CADPS: variants seen among roughly 807,000 people sequenced by gnomAD.
CADPS encodes calcium-dependent secretion activator 1.
A neutral mutation model predicts 167.3 loss-of-function variants in CADPS; 57 were observed. The ratio of observed to expected loss-of-function variants is 0.34; its 90% CI spans 0.28 to 0.42. The LOEUF is 0.42. Ranked by LOEUF, CADPS falls within the 20% of genes least tolerant of loss-of-function variation. The pLI is 1.00. For missense variants in CADPS, 1,414 were observed against 1,738.1 expected, an observed-to-expected ratio of 0.81 and a Z score of 3.32; for synonymous variants, 676 against 635.3, an observed-to-expected ratio of 1.06 and a Z score of -0.96.
At chr3:62,586,618 T>C (rs538137708) in intron 7 of CADPS, among the ~76,000 whole-genome samples, 3 of 152,316 alleles carry the variant, frequency 2.0e-5, no homozygotes, top group Admixed American at 6.5e-5. Context: ...TCTGATGAAA[T>C]ATACATTCTT....
chr3:62,763,564 G>A (rs537938249), intron 2 of CADPS, among the ~76,000 whole-genome samples: 1 of 152,222 alleles, frequency 6.6e-6, no homozygotes, highest in African/African-American at 2.4e-5. Flanking sequence ...ACTAAGACAG[G>A]GGCCAACAGA....
At chr3:62,856,876 AC>A (rs1294864569) in intron 1 of CADPS, among the ~76,000 whole-genome samples, 2 of 151,214 alleles carry the variant, frequency 1.3e-5, no homozygotes, top group Non-Finnish European at 3.0e-5. Flanking sequence ...AAAAAAAAAA[AC>A]ACTATAAGTA....
At chr3:62,711,801 T>A (rs1416582386) in intron 3 of CADPS, among the ~76,000 whole-genome samples, 1 of 152,218 alleles carries the variant, frequency 6.6e-6, no homozygotes, top group Non-Finnish European at 1.5e-5. Flanking sequence ...TGGTATTGCT[T>A]TATATTCTAA....
intron 13 of CADPS, among the ~76,000 whole-genome samples, chr3:62,528,230 G>A (rs1015014475): frequency 6.6e-6 from 1 of 152,150 alleles, no homozygotes; most frequent in African/African-American, 2.4e-5. Flanking sequence ...ACAAATGCAA[G>A]CACCAAAGTC....
chr3:62,720,345 T>TTTG (rs1564286673), intron 3 of CADPS, among the ~76,000 whole-genome samples: 1 of 151,250 alleles, frequency 6.6e-6, no homozygotes, highest in East Asian at 1.9e-4. Flanking sequence ...TTGTTTGTTT[T>TTTG]TTTTTGAAAC....
intron 23 of CADPS, among the ~76,000 whole-genome samples, chr3:62,475,497 C>T (rs2150646596): frequency 1.5e-5 from 2 of 136,054 alleles, no homozygotes; most frequent in South Asian, 4.8e-4. Flanking sequence ...CTAGTTAGCT[C>T]AGGAAAGGAT....
intron 6 of CADPS, among the ~76,000 whole-genome samples, chr3:62,618,917 A>G (rs759734315): frequency 6.6e-6 from 1 of 152,200 alleles, no homozygotes; most frequent in Non-Finnish European, 1.5e-5. Context: ...CACAGAGCTA[A>G]CAGTCTGGAT....
intron 6 of CADPS, among the ~76,000 whole-genome samples, chr3:62,619,296 A>C (rs1455472915): frequency 1.3e-5 from 2 of 152,184 alleles, no homozygotes; most frequent in Non-Finnish European, 2.9e-5. Flanking sequence ...TGGTGAGGGT[A>C]AATAAAAGGT....
intron 11 of CADPS, 45 bp downstream of exon 11, chr3:62,549,858 C>G (rs2077049504): frequency 6.8e-7 from 1 of 1,466,172 alleles, no homozygotes. Flanking sequence ...GGAAGGTTTA[C>G]TTTACTCTAC....
chr3:62,728,180 A>C (rs2077098647), intron 3 of CADPS, among the ~76,000 whole-genome samples: 1 of 151,812 alleles, frequency 6.6e-6, no homozygotes, highest in Non-Finnish European at 1.5e-5. Context: ...GCAAAACCGC[A>C]ATTACTTTTG....
intron 14 of CADPS, among the ~76,000 whole-genome samples, 193 bp from the exon 15 acceptor site, chr3:62,516,836 T>G (rs960855944): frequency 2.0e-5 from 3 of 152,150 alleles, no homozygotes; most frequent in African/African-American, 7.2e-5. Context: ...GTGTGAATAA[T>G]GACTAAAGAG....
At chr3:62,702,643 A>G (rs1564052551) in intron 3 of CADPS, among the ~76,000 whole-genome samples, 1 of 152,126 alleles carries the variant, frequency 6.6e-6, no homozygotes, top group Non-Finnish European at 1.5e-5. Context: ...CTGTTCTGGC[A>G]ATCTCTGTCC....
At chr3:62,610,218 CT>C (rs2061316566) in intron 6 of CADPS, among the ~76,000 whole-genome samples, 1 of 149,558 alleles carries the variant, frequency 6.7e-6, no homozygotes, top group Admixed American at 6.7e-5. Context: ...TCCCTTCTTT[CT>C]TTCTTTTCTT....
chr3:62,479,794 C>T (rs147874191), intron 22 of CADPS, among the ~76,000 whole-genome samples: 292 of 152,310 alleles, frequency 1.9e-3, no homozygotes, highest in Non-Finnish European at 3.2e-3. Flanking sequence ...GATTGAGAAT[C>T]CACGCCTTCT....
intron 18 of CADPS, among the ~76,000 whole-genome samples, chr3:62,497,611 C>A (rs563666481): frequency 6.6e-6 from 1 of 152,218 alleles, no homozygotes; most frequent in Non-Finnish European, 1.5e-5. Context: ...CATGGCTGTG[C>A]GTTGCGGATA....
intron 6 of CADPS, among the ~76,000 whole-genome samples, chr3:62,615,341 C>CT (rs2062092599): frequency 6.6e-6 from 1 of 152,154 alleles, no homozygotes; most frequent in Admixed American, 6.6e-5. Context: ...GAAAGGGTTA[C>CT]TACAAGAGTG....
chr3:62,531,346 C>T (rs1390450409), intron 13 of CADPS, among the ~76,000 whole-genome samples: 1 of 152,142 alleles, frequency 6.6e-6, no homozygotes, highest in East Asian at 1.9e-4. Context: ...TCAGAGTTTT[C>T]ATGAGTATCT....
chr3:62,424,324 C>G (rs1288495607), intron 28 of CADPS, among the ~76,000 whole-genome samples: 1 of 152,118 alleles, frequency 6.6e-6, no homozygotes, highest in Non-Finnish European at 1.5e-5. Flanking sequence ...GGTGGGGCTA[C>G]AGGTGTGTGC....
chr3:62,522,340 T>C (rs2070877067), intron 13 of CADPS, among the ~76,000 whole-genome samples: 1 of 152,158 alleles, frequency 6.6e-6, no homozygotes, highest in Non-Finnish European at 1.5e-5. Flanking sequence ...GGTCTCATTA[T>C]GTTGCCCAGG....
Sources: allele counts gnomAD v4.1 joint callset (sites outside exome capture counted in the v4.1 genomes callset), GRCh38; gene constraint gnomAD v4.1.1; transcripts MANE v1.5; gene names NCBI Gene and HGNC (gene_info 2026-07-23, HGNC 2026-07-21).